Variants in ZMYND10 observed in about 807,000 individuals in gnomAD.
The protein encoded by ZMYND10 is zinc finger MYND domain-containing protein 10.
ZMYND10 carries 52 observed loss-of-function variants against 62.6 expected under a neutral mutation model. The ratio of observed to expected loss-of-function variants is 0.83; its 90% CI spans 0.67 to 1.05. The LOEUF is 1.05. Among genes scored for constraint, ZMYND10 ranks in the 50% least tolerant of loss-of-function variants. ZMYND10 has a pLI of 0.00. For missense variants in ZMYND10, 438 were observed against 543.3 expected (o/e 0.81, Z 1.93); for synonymous variants, 197 against 218.5 (o/e 0.90, Z 0.87).
At chr3:50,343,655 T>C in intron 3 of ZMYND10, 39 bp from the exon 4 acceptor site, 1 of 1,613,926 alleles carries the variant, frequency 6.2e-7, no homozygotes, top group Non-Finnish European at 8.5e-7. Flanking sequence ...GAGGAAGGGA[T>C]AGGGGCTACC....
Position 50,345,460 on chromosome 3 carries a change from G to A in ZMYND10, c.92+28C>T, listed in dbSNP as rs897496568. ...TCCCCGACTCAAGGACAATGACTCCGGGACTCCGCCTGACCCGGGTGCCTC... is the reference window on the plus strand; with the variant it reads ...TCCCCGACTCAAGGACAATGACTCCAGGACTCCGCCTGACCCGGGTGCCTC... On this transcript the variant is annotated intron_variant, in intron 1 of 11. Transcript: ENST00000231749. The surrounding 1 kb of genome is among the most constrained non-coding windows in gnomAD (Gnocchi z 5.0). 8.9e-6 allele frequency: 14 copies of A among 1,566,140 alleles called. No individual in the cohort carries two copies. Among genetic ancestry groups the A allele is most frequent in the African/African-American group, 2.7e-5 (2 of 73,780 alleles).
At chr3:50,343,070 G>T (rs200555592) in intron 6 of ZMYND10, 48 bp downstream of exon 6, 12 of 1,613,732 alleles carry the variant, frequency 7.4e-6, no homozygotes, top group African/African-American at 1.3e-5. Flanking sequence ...CTACAGGCCC[G>T]GTCTTCCAGC....
At position 50,345,481 on chromosome 3, in the gene ZMYND10, G is replaced by A. The variant is rs1166377563; in HGVS notation, c.92+7C>T. 5.6e-6 allele frequency: 9 copies of A among 1,594,332 alleles called. No homozygotes were observed. The highest frequency in any genetic ancestry group is 1.1e-5 in the South Asian group (1 of 87,788). ...CTCCGGGACTCCGCCTGACCCGGGTGCCTCACCCTTCGGAGCCCATCTCGC... is the reference window on the plus strand; with the variant it reads ...CTCCGGGACTCCGCCTGACCCGGGTACCTCACCCTTCGGAGCCCATCTCGC... On this transcript the variant is annotated splice_region_variant and intron_variant, in intron 1 of 11. Transcript: ENST00000231749. This position sits in a 1 kb window ranked among gnomAD's most constrained non-coding sequence, Gnocchi z 5.0.
In ZMYND10 at chr3:50,342,815, T is replaced by A. The variant is rs587757575; in HGVS notation, c.700+103A>T. On this transcript the variant is annotated intron_variant, in intron 7 of 11. Transcript: ENST00000231749. ...AGGCATCCTGGTATCCTCAGTGGGC[T>A]TGGGGACAGGGTTTGTCTTCGTGTG... 5.9e-5 allele frequency: 88 copies of A among 1,485,066 alleles called. 2 individuals are homozygous for A. In the East Asian group the frequency reaches 2.1e-3, roughly 35 times the overall value. The allele number at this position is 1,485,066 out of a possible 1,614,324, so 92.0% of individuals were successfully genotyped here. A position where few individuals can be genotyped will look rare whatever the true frequency, so the allele number is the denominator to read the frequency against.
chr3:50,342,457 TAGC>T lies in ZMYND10; in HGVS notation c.810_812del (p.Leu271del), dbSNP rs1287408729. On this transcript the variant is annotated inframe_deletion, in exon 8 of 12. Transcript: ENST00000231749. ...AGTAGCGCGCCTGAGCCTCAGGGCT[TAGC>T]AGCAGGTTGTACAGGGCGATCCACA... The T allele has an allele frequency of 1.2e-6, 2 of 1,612,466 alleles. No homozygotes were observed. Among genetic ancestry groups the T allele is most frequent in the Non-Finnish European group, 1.7e-6 (2 of 1,179,300 alleles).
Position 50,345,046 on chromosome 3 carries a change from G to A in ZMYND10, c.201+78C>T. Reference sequence around the variant, plus strand: ...AGGTGTACCAGGCCAGAGGGGAAGGGCACACAGGGGACTCCGGAGGGGTAG... The same window carrying A: ...AGGTGTACCAGGCCAGAGGGGAAGGACACACAGGGGACTCCGGAGGGGTAG... On this transcript the variant is annotated intron_variant, in intron 2 of 11. Coordinates refer to ENST00000231749, the MANE Select transcript of ZMYND10 (RefSeq NM_015896.4). The surrounding 1 kb of genome is among the most constrained non-coding windows in gnomAD (Gnocchi z 5.0). 8.1e-7 allele frequency: 1 copy of A among 1,229,602 alleles called. No individual in the cohort carries two copies. The highest frequency in any genetic ancestry group is 1.5e-5 in the African/African-American group (1 of 67,670). 76.2% of individuals were successfully genotyped at this position (1,229,602 alleles called of 1,614,324 possible).
chr3:50,343,639 G>A, intron 3 of ZMYND10, 23 bp from the exon 4 acceptor site: 1 of 1,614,128 alleles, frequency 6.2e-7, no homozygotes, highest in Non-Finnish European at 8.5e-7. Context: ...GAGAAGGACA[G>A]GGCCTGAGGA....
rs1703435577 is a variant in ZMYND10 at position 50,342,982 on chromosome 3, T to A, written c.636A>T (p.Thr212=). The change falls in exon 7 of 12, where the codon ACA becomes ACT. Residue 212 remains threonine, a synonymous_variant. Transcript: ENST00000231749. ...CCACCAGGAGGCAGGGCAGGTTGTG[T>A]GTGCTAAGCATACGGCTCAAGGTGC... ...SLSTLSRMLS[T]HNLPCLLVEL... The A allele has an allele frequency of 6.2e-7, 1 of 1,613,960 alleles. No individual in the cohort carries two copies. Among genetic ancestry groups the A allele is most frequent in the African/African-American group, 1.3e-5 (1 of 74,872 alleles).
chr3:50,344,150 CTT>C (rs1703470598), intron 2 of ZMYND10: 1 of 410,704 alleles, frequency 2.4e-6, no homozygotes, highest in Non-Finnish European at 4.5e-6. Context: ...TCAGGCATCC[CTT>C]TCAAGCCAGC....
rs1372228419 is a variant in ZMYND10, at chr3:50,341,156, C to T, written c.*254G>A. On this transcript the variant is annotated 3_prime_UTR_variant, in exon 12 of 12. Transcript: ENST00000231749. ...CTGTGCTAGAGGAAGAGGGTCCCCA[C>T]ATCCGGCCCTGGCCCTCCTGGTCCG... 1 of 612,562 alleles carries T rather than the reference C, an allele frequency of 1.6e-6. No individual in the cohort carries two copies. Among genetic ancestry groups the T allele is most frequent in the East Asian group, 2.8e-5 (1 of 36,040 alleles). The allele number at this position is 612,562 out of a possible 1,614,324, so 37.9% of individuals were successfully genotyped here. A position where few individuals can be genotyped will look rare whatever the true frequency, so the allele number is the denominator to read the frequency against.
Position 50,342,010 on chromosome 3 carries a change from C to G in ZMYND10, c.999+5G>C. Reference sequence around the variant, plus strand: ...GTCCTGAGCAGCTAACTTTCCAGTGCCTACCTGTTCCAACACCAGGTCCTT... The same window carrying G: ...GTCCTGAGCAGCTAACTTTCCAGTGGCTACCTGTTCCAACACCAGGTCCTT... On this transcript the variant is annotated splice_donor_5th_base_variant and intron_variant, in intron 9 of 11. Coordinates refer to ENST00000231749, the MANE Select transcript of ZMYND10 (RefSeq NM_015896.4). The G allele has an allele frequency of 6.2e-7, 1 of 1,614,208 alleles. No individual in the cohort carries two copies.
chr3:50,345,006 T>C lies in ZMYND10; in HGVS notation c.201+118A>G, dbSNP rs147927296. 7.4e-4 allele frequency: 580 copies of C among 784,498 alleles called. 3 individuals carry two copies. In the African/African-American group the frequency reaches 9.2e-3, roughly 12 times the overall value. The allele number at this position is 784,498 out of a possible 1,614,324, so 48.6% of individuals were successfully genotyped here. On this transcript the variant is annotated intron_variant, in intron 2 of 11. Coordinates refer to ENST00000231749, the MANE Select transcript of ZMYND10 (RefSeq NM_015896.4). The surrounding 1 kb of genome is among the most constrained non-coding windows in gnomAD (Gnocchi z 5.0). ...GAAACATGTAACACATTCCTCTTTG[T>C]CCTTCAGGGAGAACAGGTGTACCAG... is the stretch of plus-strand genomic sequence containing the variant.
chr3:50,343,186 C>T lies in ZMYND10; in HGVS notation c.531G>A (p.Glu177=). 2 of 1,614,232 alleles carry T rather than the reference C, an allele frequency of 1.2e-6. No individual in the cohort carries two copies. Among genetic ancestry groups the T allele is most frequent in the Non-Finnish European group, 1.7e-6 (2 of 1,180,036 alleles). ...NPMQELQKQA[E]LMEFEIALKA... The stretch of plus-strand genomic sequence containing the variant: ...TCAGTGCAATCTCAAATTCCATCAG[C>T]TCTGCCTGCTTCTGCAGCTCCTGGG... Residue 177 remains glutamate, a synonymous_variant, in exon 6 of 12, where the codon GAG becomes GAA. Transcript: ENST00000231749.
chr3:50,342,796 C>A (rs982314943), intron 7 of ZMYND10, 122 bp downstream of exon 7: 7 of 1,467,134 alleles, frequency 4.8e-6, no homozygotes, highest in African/African-American at 1.4e-5. Flanking sequence ...GCTGAGGCAT[C>A]CTGGTATCCT....
At chr3:50,344,025 C>T in intron 2 of ZMYND10, 175 bp from the exon 3 acceptor site, 1 of 610,780 alleles carries the variant, frequency 1.6e-6, no homozygotes, top group East Asian at 2.8e-5. Context: ...CCTTCATTAC[C>T]AGCTGCTCCC....
chr3:50,343,645 G>A (rs1396082359), intron 3 of ZMYND10, 29 bp from the exon 4 acceptor site: 1 of 1,614,112 alleles, frequency 6.2e-7, no homozygotes, highest in Non-Finnish European at 8.5e-7. Flanking sequence ...GACAGGGCCT[G>A]AGGAAGGGAT....
intron 2 of ZMYND10, 178 bp downstream of exon 2, chr3:50,344,946 G>C: frequency 1.7e-6 from 1 of 598,398 alleles, no homozygotes; most frequent in East Asian, 2.8e-5. Context: ...ACCCAGCCTG[G>C]TGTGCCAGAG....
At chr3:50,344,617 CTTTTTT>C (rs10563378) in intron 2 of ZMYND10, among the ~76,000 whole-genome samples, 4 of 128,716 alleles carry the variant, frequency 3.1e-5, no homozygotes, top group Non-Finnish European at 6.5e-5. Context: ...CCATGCCCGG[CTTTTTT>C]TTTTTTTTTT....
chr3:50,342,879 C>T (rs1703431103), intron 7 of ZMYND10, 39 bp downstream of exon 7: 1 of 1,604,634 alleles, frequency 6.2e-7, no homozygotes, highest in South Asian at 1.1e-5. Context: ...TACCCTGAAG[C>T]AGTAGCCTGG....
Sources: allele counts gnomAD v4.1 joint callset (sites outside exome capture counted in the v4.1 genomes callset), GRCh38; gene constraint gnomAD v4.1.1; non-coding constraint Gnocchi (gnomAD v3.1); transcripts MANE v1.5; gene names NCBI Gene and HGNC (gene_info 2026-07-23, HGNC 2026-07-21).